The following EED variants were observed in gnomAD, a reference collection of about 807,000 sequenced individuals.
EED encodes the protein embryonic ectoderm development, also known as polycomb protein EED.
In EED, 9 loss-of-function variants were observed where a neutral mutation model predicts 61.0. The ratio of observed to expected loss-of-function variants is 0.15; its 90% confidence interval spans 0.09 to 0.26. The LOEUF (loss-of-function observed/expected upper bound fraction) is 0.26. Ranked by LOEUF, EED falls within the 10% of genes least tolerant of loss-of-function variation. The probability of loss-of-function intolerance (pLI) is 1.00; values close to 1 mark genes in which losing one functional copy is unlikely to be tolerated. For missense variants in EED, 315 were observed against 542.3 expected (o/e 0.58, Z 4.16); for synonymous variants, 187 against 174.4 (o/e 1.07, Z -0.57).
chr11:86,258,698 G>T (rs955323542), intron 6 of EED, among the ~76,000 whole-genome samples: 1 of 151,312 alleles, frequency 6.6e-6, no homozygotes, highest in South Asian at 2.1e-4. Flanking sequence ...TGGGATTACA[G>T]GCATGTACCA....
At chr11:86,262,943 C>T (rs1945871523) in intron 6 of EED, among the ~76,000 whole-genome samples, 1 of 151,906 alleles carries the variant, frequency 6.6e-6, no homozygotes, top group Admixed American at 6.6e-5. Context: ...CCCTAAGTAG[C>T]TAGAACTGCA....
chr11:86,252,339 C>G (rs1457130333), intron 3 of EED, 99 bp downstream of exon 3: 4 of 839,108 alleles, frequency 4.8e-6, no homozygotes, highest in South Asian at 2.2e-5. Flanking sequence ...TTTTGTGAAG[C>G]TGGTTTAGCA....
intron 3 of EED, among the ~76,000 whole-genome samples, chr11:86,254,532 G>T (rs1220064252): frequency 6.6e-6 from 1 of 151,948 alleles, no homozygotes; most frequent in Non-Finnish European, 1.5e-5. Context: ...TGTTAGCCAG[G>T]ATGGTCTTGA....
intron 9 of EED, 68 bp downstream of exon 9, chr11:86,268,629 G>A (rs1184520160): frequency 5.8e-6 from 6 of 1,031,878 alleles, no homozygotes; most frequent in Middle Eastern, 2.3e-4. Context: ...GTGTGTGTAT[G>A]TGTGTGCGCA....
At chr11:86,264,045 T>A (rs1400670505) in intron 6 of EED, 127 bp from the exon 7 acceptor site, 5 of 667,092 alleles carry the variant, frequency 7.5e-6, no homozygotes, top group Non-Finnish European at 1.3e-5. Context: ...CTATGTAATA[T>A]GGATTCCATT....
downstream of EED, among the ~76,000 whole-genome samples, chr11:86,279,554 G>A (rs1312521632): frequency 6.6e-6 from 1 of 152,196 alleles, no homozygotes; most frequent in Non-Finnish European, 1.5e-5. Context: ...GAGGAGTGAA[G>A]AAAGCCTGAA....
chr11:86,247,544 T>G (rs1034738493), intron 1 of EED, among the ~76,000 whole-genome samples: 8 of 152,214 alleles, frequency 5.3e-5, no homozygotes, highest in Admixed American at 4.6e-4. Flanking sequence ...GAGTCACAAC[T>G]TCAGTAACAT....
chr11:86,273,789 A>C (rs1946169298), intron 9 of EED, among the ~76,000 whole-genome samples: 1 of 152,168 alleles, frequency 6.6e-6, no homozygotes, highest in Admixed American at 6.5e-5. Flanking sequence ...TGTCCCCTGT[A>C]GGTAAGATGT....
At chr11:86,259,219 T>C (rs905676684) in intron 6 of EED, among the ~76,000 whole-genome samples, 3 of 89,268 alleles carry the variant, frequency 3.4e-5, no homozygotes, top group African/African-American at 9.7e-5. Flanking sequence ...AGTAAGAGCA[T>C]TTTTAAAAAT....
chr11:86,275,523 G>A (rs1946208553), intron 9 of EED, among the ~76,000 whole-genome samples: 1 of 152,184 alleles, frequency 6.6e-6, no homozygotes, highest in African/African-American at 2.4e-5. Flanking sequence ...AGATGATTTT[G>A]AAGTGCAGCC....
the EED span, among the ~76,000 whole-genome samples, chr11:86,285,921 CAT>C: frequency 2.6e-5 from 4 of 152,090 alleles, no homozygotes; most frequent in Middle Eastern, 3.4e-3. Context: ...TAAATACAAA[CAT>C]AAGAGCCTTT....
chr11:86,250,177 T>A (rs1206760427), intron 1 of EED, 119 bp from the exon 2 acceptor site: 2 of 943,384 alleles, frequency 2.1e-6, no homozygotes, highest in Non-Finnish European at 1.4e-6. Context: ...AAGAATACAT[T>A]TTTTTCTTCT....
At chr11:86,278,845 A>C (rs1946288286), downstream of EED, 1 of 220,314 alleles carries the variant, frequency 4.5e-6, no homozygotes, top group South Asian at 1.5e-4. Context: ...TTAACCAGAG[A>C]AAGTTTTGTA....
At chr11:86,245,411 C>A in intron 1 of EED, 68 bp downstream of exon 1, 2 of 1,310,508 alleles carry the variant, frequency 1.5e-6, no homozygotes, top group East Asian at 2.8e-5. Flanking sequence ...AAACGGGGGG[C>A]GCGGGGACGA....
chr11:86,269,916 A>G (rs7929518), intron 9 of EED, among the ~76,000 whole-genome samples: 107,439 of 152,072 alleles, frequency 0.71, 38,396 homozygotes, highest in Non-Finnish European at 0.78. Flanking sequence ...GGTTTTGGTC[A>G]TTTCCAGTTC....
At chr11:86,268,799 G>C (rs189720362) in intron 9 of EED, among the ~76,000 whole-genome samples, 283 of 152,218 alleles carry the variant, frequency 1.9e-3, no homozygotes, top group African/African-American at 5.6e-3. Flanking sequence ...AGTAAGATGA[G>C]TATAGTTTTA....
chr11:86,274,318 G>A (rs920786951), intron 9 of EED, among the ~76,000 whole-genome samples: 2 of 152,068 alleles, frequency 1.3e-5, no homozygotes, highest in Non-Finnish European at 2.9e-5. Flanking sequence ...TGTCAGATCT[G>A]ACATCCATGT....
chr11:86,286,180 G>T, the EED span, among the ~76,000 whole-genome samples: 1 of 151,772 alleles, frequency 6.6e-6, no homozygotes, highest in Non-Finnish European at 1.5e-5. Flanking sequence ...ACAAATGTGT[G>T]CCACCACAGC....
the EED span, among the ~76,000 whole-genome samples, chr11:86,286,971 CAAAAAAAAAA>C: frequency 8.8e-5 from 6 of 68,342 alleles, no homozygotes; most frequent in Middle Eastern, 0.02. Flanking sequence ...GACTCCGTCT[CAAAAAAAAAA>C]AAAAAAAAAA....
Sources: gnomAD v4.1 joint callset for allele counts (sites outside exome capture counted in the v4.1 genomes callset) on GRCh38, gnomAD v4.1.1 for gene constraint, MANE v1.5 for transcripts, NCBI Gene and HGNC (gene_info 2026-07-23, HGNC 2026-07-21) for gene names.